LDLRAP1: variants seen among roughly 807,000 people sequenced by gnomAD.
LDLRAP1 encodes the protein low density lipoprotein receptor adaptor protein 1.
LDLRAP1 carries 30 observed loss-of-function variants against 37.8 expected under a neutral mutation model. That is an observed-to-expected ratio of 0.79 (90% confidence interval 0.59 to 1.08). The LOEUF (loss-of-function observed/expected upper bound fraction) is 1.08. Among genes scored for constraint, LDLRAP1 ranks in the 50% least tolerant of loss-of-function variants. LDLRAP1 has a pLI of 0.00. For synonymous variants in LDLRAP1, 156 were observed against 169.8 expected (o/e 0.92, Z 0.63); for missense variants, 375 against 401.6 (o/e 0.93, Z 0.57).
chr1:25,558,543 G>T (rs899285188), intron 4 of LDLRAP1, among the ~76,000 whole-genome samples: 2 of 152,134 alleles, frequency 1.3e-5, no homozygotes, highest in Non-Finnish European at 1.5e-5. Flanking sequence ...GGTTCTGGGG[G>T]GAATCCATTT....
In LDLRAP1 at chr1:25,563,749, G is replaced by C. The variant is rs138552317; in HGVS notation, c.705G>C (p.Glu235Asp). ...GCGCCAACACCACCAACATGGACGA[G>C]GTGCCGCGGCCACAAGCCTTGAGTG... Reference protein sequence around the residue: ...TVSANTTNMDEVPRPQALSGS... With the variant: ...TVSANTTNMDDVPRPQALSGS... The change falls in exon 7 of 9, where the codon GAG becomes GAC. Residue 235 changes from glutamate (E) to aspartate (D), a missense_variant. Coordinates refer to ENST00000374338, the MANE Select transcript of LDLRAP1 (RefSeq NM_015627.3). The C allele has an allele frequency of 9.3e-6, 15 of 1,614,016 alleles. No homozygotes were observed. In the African/African-American group the frequency reaches 2.0e-4, roughly 21 times the overall value.
chr1:25,553,713 G>A, intron 1 of LDLRAP1: 1 of 584,090 alleles, frequency 1.7e-6, no homozygotes, highest in Non-Finnish European at 3.0e-6. Flanking sequence ...AGAGGTTGCA[G>A]TAAGCTGAGC....
At chr1:25,569,340 C>G (rs1224180899), downstream of LDLRAP1, among the ~76,000 whole-genome samples, 1 of 152,160 alleles carries the variant, frequency 6.6e-6, no homozygotes, top group Non-Finnish European at 1.5e-5. Flanking sequence ...GGTCTCAGTA[C>G]TGGGGACAGG....
intron 5 of LDLRAP1, 115 bp from the exon 6 acceptor site, chr1:25,562,955 G>GAGGAAA: frequency 9.6e-7 from 1 of 1,045,998 alleles, no homozygotes; most frequent in Non-Finnish European, 1.5e-6. Flanking sequence ...CCTCCCGGCT[G>GAGGAAA]GAAACCTGAA....
chr1:25,574,687 A>C, the LDLRAP1 span, among the ~76,000 whole-genome samples: 1 of 152,138 alleles, frequency 6.6e-6, no homozygotes, highest in African/African-American at 2.4e-5. Flanking sequence ...AGGCTGATGC[A>C]GCGAGTGTTC....
In LDLRAP1 at chr1:25,545,522, T is replaced by C. The variant is rs531717149; in HGVS notation, c.88+1736T>C. ...TGGTGGCTTTCTTCTCCCCTGCTCC[T>C]CTTCCCCCTGCCTATCCTTGGGACG... On this transcript the variant is annotated intron_variant, in intron 1 of 8. Transcript: ENST00000374338. Among the ~76,000 whole-genome samples, 63 of 152,284 alleles carry C rather than the reference T, an allele frequency of 4.1e-4. 1 individual carries two copies. The South Asian group carries it at 0.012, about 30-fold the overall frequency.
the LDLRAP1 span, chr1:25,581,482 C>T: frequency 1.3e-5 from 2 of 152,210 alleles, no homozygotes; most frequent in Non-Finnish European, 2.9e-5. Flanking sequence ...AGAACTCTCG[C>T]TCCTCTGACA....
At chr1:25,553,879 C>T (rs1199120015) in intron 1 of LDLRAP1, 43 bp from the exon 2 acceptor site, 2 of 1,608,108 alleles carry the variant, frequency 1.2e-6, no homozygotes, top group African/African-American at 1.3e-5. Flanking sequence ...TGGTGGTGGG[C>T]CCTGAGCCGC....
Position 25,557,618 on chromosome 1 carries a change from C to T in LDLRAP1, c.459+351C>T, listed in dbSNP as rs188675738. On this transcript the variant is annotated intron_variant, in intron 4 of 8. Transcript: ENST00000374338. ...GCAGGGCCTTCTGGTGATTGGTCCT[C>T]GGAAATGGGAGATCAGGGGGGCCTA... Among the ~76,000 whole-genome samples the T allele has an allele frequency of 7.6e-4, 115 of 152,204 alleles. 1 individual carries two copies. The East Asian group carries it at 0.015, about 19-fold the overall frequency.
At position 25,554,208 on chromosome 1, in the gene LDLRAP1, G is replaced by A; in HGVS notation, c.231+144G>A. ...TCATTCTCCTTCCATCCAGCTTTTG[G>A]GCCTTGGCAGAGGGGAACCATTGGA... On this transcript the variant is annotated intron_variant, in intron 2 of 8. Transcript: ENST00000374338. This position sits in a 1 kb window ranked among gnomAD's most constrained non-coding sequence, Gnocchi z 5.4. 9.3e-7 allele frequency: 1 copy of A among 1,074,932 alleles called. No individual in the cohort carries two copies. The highest frequency in any genetic ancestry group is 1.3e-6 in the Non-Finnish European group (1 of 741,604). The allele number at this position is 1,074,932 out of a possible 1,614,324, so 66.6% of individuals were successfully genotyped here.
At chr1:25,589,523 C>T in the LDLRAP1 span, among the ~76,000 whole-genome samples, 1 of 152,106 alleles carries the variant, frequency 6.6e-6, no homozygotes, top group Non-Finnish European at 1.5e-5. Flanking sequence ...AAGATCCACT[C>T]ACACCAATGT....
At chr1:25,570,626 G>A (rs550522279), downstream of LDLRAP1, among the ~76,000 whole-genome samples, 47 of 152,202 alleles carry the variant, frequency 3.1e-4, no homozygotes, top group Admixed American at 7.2e-4. Flanking sequence ...TTGGGAGGCC[G>A]AGGCAGGCGG....
At chr1:25,550,940 G>A (rs538355009) in intron 1 of LDLRAP1, among the ~76,000 whole-genome samples, 3 of 152,224 alleles carry the variant, frequency 2.0e-5, no homozygotes, top group African/African-American at 4.8e-5. Flanking sequence ...TGGAGGGAGC[G>A]GAAGTGACTT....
chr1:25,570,694 C>A (rs914331843), downstream of LDLRAP1, among the ~76,000 whole-genome samples: 1 of 152,072 alleles, frequency 6.6e-6, no homozygotes, highest in Non-Finnish European at 1.5e-5. Context: ...CCCGTCTCTA[C>A]TAAAAATACA....
the LDLRAP1 span, among the ~76,000 whole-genome samples, chr1:25,579,723 A>G: frequency 6.6e-6 from 1 of 152,198 alleles, no homozygotes; most frequent in Non-Finnish European, 1.5e-5. Flanking sequence ...CAGACCCTCG[A>G]AGCTCTGCCT....
chr1:25,555,133 G>A lies in LDLRAP1; in HGVS notation c.344+161G>A, dbSNP rs75315135. Among the ~76,000 whole-genome samples the A allele has an allele frequency of 8.3e-4, 127 of 152,324 alleles. No homozygotes were observed. In the East Asian group the frequency reaches 0.021, roughly 25 times the overall value. ...GTGGGAACAGATCCTGCTGCACAGC[G>A]CTGTTAGGAAACGTGGAGTGCACGG... On this transcript the variant is annotated intron_variant, in intron 3 of 8. Coordinates refer to ENST00000374338, the MANE Select transcript of LDLRAP1 (RefSeq NM_015627.3). This position sits in a 1 kb window ranked among gnomAD's most constrained non-coding sequence, Gnocchi z 4.7.
chr1:25,560,999 G>A (rs915837884), intron 4 of LDLRAP1, among the ~76,000 whole-genome samples: 1 of 152,248 alleles, frequency 6.6e-6, no homozygotes, highest in African/African-American at 2.4e-5. Flanking sequence ...CTTACAGCTT[G>A]GGACTTCAGG....
At chr1:25,563,909 G>A in intron 7 of LDLRAP1, 118 bp downstream of exon 7, 1 of 1,354,672 alleles carries the variant, frequency 7.4e-7, no homozygotes, top group Non-Finnish European at 1.0e-6. Flanking sequence ...GGGAGGACCA[G>A]ACCCAGCCCG....
Position 25,554,759 on chromosome 1 carries a change from A to G in LDLRAP1, c.232-101A>G. On this transcript the variant is annotated intron_variant, in intron 2 of 8. Coordinates refer to ENST00000374338, the MANE Select transcript of LDLRAP1 (RefSeq NM_015627.3). The surrounding 1 kb of genome is among the most constrained non-coding windows in gnomAD (Gnocchi z 5.4). ...ACTGCTGCCAGTCACCTGAGCTGAG[A>G]TGGGCCCCGTGCCTGGGGCTTAGGA... is the stretch of plus-strand genomic sequence containing the variant. The G allele has an allele frequency of 1.1e-6, 1 of 885,212 alleles. No individual in the cohort carries two copies. The highest frequency in any genetic ancestry group is 1.8e-6 in the Non-Finnish European group (1 of 545,050). The allele number at this position is 885,212 out of a possible 1,614,324, so 54.8% of individuals were successfully genotyped here. A position where few individuals can be genotyped will look rare whatever the true frequency, so the allele number is the denominator to read the frequency against.
Sources: gnomAD v4.1 joint callset for allele counts (sites outside exome capture counted in the v4.1 genomes callset) on GRCh38, gnomAD v4.1.1 for gene constraint, Gnocchi (gnomAD v3.1) non-coding constraint, MANE v1.5 for transcripts, NCBI Gene and HGNC (gene_info 2026-07-23, HGNC 2026-07-21) for gene names.